The following S1PR5 variants were observed in gnomAD, a reference collection of about 807,000 sequenced individuals.
S1PR5 encodes the protein sphingosine-1-phosphate receptor 5, also known as sphingosine 1-phosphate receptor 5.
For synonymous variants in S1PR5, 307 were observed against 284.7 expected, an observed-to-expected ratio of 1.08 and a Z score of -0.79; for missense variants, 583 against 571.7, an observed-to-expected ratio of 1.02 and a Z score of -0.20.
rs1164772782 is a variant in S1PR5 at position 10,514,310 on chromosome 19, C to G, written c.702G>C (p.Gly234=). ...TGCGACGCGCCCGGGTCGAGGTGGT[C>G]CCCGCAGTCCCGGGCCGTGCCGGCA... ...RRLPARPGTA[G]TTSTRARRKP... The change falls in exon 2 of 2, where the codon GGG becomes GGC. Residue 234 remains glycine, a synonymous_variant. Coordinates refer to ENST00000333430, the MANE Select transcript of S1PR5 (RefSeq NM_030760.5). 2 of 1,565,962 alleles carry G rather than the reference C, an allele frequency of 1.3e-6. No individual in the cohort carries two copies. Among genetic ancestry groups the G allele is most frequent in the Admixed American group, 3.9e-5 (2 of 51,722 alleles).
upstream of S1PR5, chr19:10,517,653 C>T (rs1915471012): frequency 1.0e-6 from 1 of 985,330 alleles, no homozygotes; most frequent in Non-Finnish European, 1.2e-6. Flanking sequence ...CTGCCCCCTC[C>T]GGGCCTGGGC....
rs1915354412 is a variant in S1PR5 at position 10,514,032 on chromosome 19, G to C, written c.980C>G (p.Ser327Cys). The C allele has an allele frequency of 6.2e-7, 1 of 1,611,092 alleles. No individual in the cohort carries two copies. Among genetic ancestry groups the C allele is most frequent in the Non-Finnish European group, 8.5e-7 (1 of 1,179,520 alleles). The change falls in exon 2 of 2, where the codon TCC (serine) becomes TGC (cysteine). Residue 327 changes from serine to cysteine, a missense_variant. By Grantham distance (112) the Ser-to-Cys change is moderately radical. Coordinates refer to ENST00000333430, the MANE Select transcript of S1PR5 (RefSeq NM_030760.5). The stretch of plus-strand genomic sequence containing the variant: ...GGAGCCACTCGGGTCTCTGCCGCAG[G>C]AGTGGCGTCCGCAGCAGACCAGGCG... ...LLRLVCCGRH[S>C]CGRDPSGSQQ...
intron 1 of S1PR5, among the ~76,000 whole-genome samples, chr19:10,516,417 G>T (rs765691947): frequency 6.6e-6 from 1 of 151,884 alleles, no homozygotes; most frequent in Admixed American, 6.6e-5. Context: ...ACCAGCTTGG[G>T]CAACATACTA....
At chr19:10,515,483 C>G (rs373727007) in intron 1 of S1PR5, among the ~76,000 whole-genome samples, 8 of 152,116 alleles carry the variant, frequency 5.3e-5, no homozygotes, top group Admixed American at 1.3e-4. Flanking sequence ...CATGGTGGCA[C>G]GTGCCTGTAG....
In S1PR5 at chr19:10,514,991, C is replaced by T. The variant is rs1343541568; in HGVS notation, c.21G>A (p.Arg7=). 3.2e-6 allele frequency: 5 copies of T among 1,570,970 alleles called. No homozygotes were observed. The highest frequency in any genetic ancestry group is 2.2e-4 in the Middle Eastern group (1 of 4,546). Residue 7 remains arginine (R), a synonymous_variant, in exon 2 of 2, where the codon CGG becomes CGA. Transcript: ENST00000333430. MESGLL[R]PAPVSEVIVL... ...CGATGACCTCGCTCACCGGCGCCGGCCGCAGCAGCCCCGACTCCATGGGCC... is the reference window on the plus strand; with the variant it reads ...CGATGACCTCGCTCACCGGCGCCGGTCGCAGCAGCCCCGACTCCATGGGCC...
intron 1 of S1PR5, among the ~76,000 whole-genome samples, chr19:10,516,607 CAAAAAAAAA>C (rs113615794): frequency 1.1e-5 from 1 of 91,824 alleles, no homozygotes; most frequent in Non-Finnish European, 2.1e-5. Context: ...AACTCCGTCT[CAAAAAAAAA>C]AAAAAAAAAA....
rs751801152 is a variant in S1PR5, at chr19:10,513,956, C to T, written c.1056G>A (p.Leu352=). ...TGAAGCTCCCATCAAGGCCCGGGGG[C>T]AGGCAGCGGCGCAGGCCCCCGGAAG... ...AEASGGLRRC[L]PPGLDGSFSG... is the part of the protein sequence containing the mutation. Residue 352 remains leucine (L), a synonymous_variant, in exon 2 of 2, where the codon CTG becomes CTA. Transcript: ENST00000333430. 15 of 1,598,482 alleles carry T rather than the reference C, an allele frequency of 9.4e-6. No individual in the cohort carries two copies. The highest frequency in any genetic ancestry group is 1.1e-5 in the South Asian group (1 of 89,962).
In S1PR5 at chr19:10,515,653, T is replaced by C. The variant is rs185425681; in HGVS notation, c.-18-624A>G. ...CCCACCAAACACACACACGGCTGGG[T>C]GTGGTGGCTCACTCCTGTAATTCCA... On this transcript the variant is annotated intron_variant, in intron 1 of 1. Transcript: ENST00000333430. Among the ~76,000 whole-genome samples, 6 of 151,378 alleles carry C rather than the reference T, an allele frequency of 4.0e-5. No individual in the cohort carries two copies. In the East Asian group the frequency reaches 7.8e-4, roughly 20 times the overall value.
At position 10,516,566 on chromosome 19, in the gene S1PR5, C is replaced by A. The variant is rs1005667513; in HGVS notation, c.-19+832G>T. Among the ~76,000 whole-genome samples, 3 of 149,750 alleles carry A rather than the reference C, an allele frequency of 2.0e-5. No individual in the cohort carries two copies. The South Asian group carries it at 6.4e-4, about 32-fold the overall frequency. On this transcript the variant is annotated intron_variant, in intron 1 of 1. Transcript: ENST00000333430. ...AGGCTGCAGTGAGCCATGATCGCAC[C>A]CCTGCTCTCCAGCCTGGGTGACAAG...
Position 10,514,599 on chromosome 19 carries a change from G to T in S1PR5, c.413C>A (p.Ala138Glu). The change falls in exon 2 of 2, where the codon GCG becomes GAG. Residue 138 changes from alanine to glutamate, a missense_variant. Coordinates refer to ENST00000333430, the MANE Select transcript of S1PR5 (RefSeq NM_030760.5). ...GGAGACGGGCGCGGGCCCCCTGCGC[G>T]CCATGGTGAGGCTGCGCTCCAGCGC... ...AIALERSLTM[A>E]RRGPAPVSSR... 1 of 1,581,922 alleles carries T rather than the reference G, an allele frequency of 6.3e-7. No homozygotes were observed. The highest frequency in any genetic ancestry group is 1.3e-5 in the African/African-American group (1 of 74,368).
chr19:10,514,749 G>A lies in S1PR5; in HGVS notation c.263C>T (p.Ala88Val). 8 of 1,611,990 alleles carry A rather than the reference G, an allele frequency of 5.0e-6. No homozygotes were observed. Among genetic ancestry groups the A allele is most frequent in the African/African-American group, 2.7e-5 (2 of 75,036 alleles). ...LTLSDLLAGA[A>V]YAANILLSGP... is the part of the protein sequence containing the mutation. ...CGACAGTAGGATGTTGGCGGCGTAG[G>A]CGGCGCCTGCCAGCAGATCCGACAA... Residue 88 changes from alanine (A) to valine (V), a missense_variant, in exon 2 of 2, where the codon GCC becomes GTC. By Grantham distance (64) the Ala-to-Val change is moderately conservative (BLOSUM62 0). Coordinates refer to ENST00000333430, the MANE Select transcript of S1PR5 (RefSeq NM_030760.5).
Position 10,513,694 on chromosome 19 carries a change from G to T in S1PR5, c.*121C>A. 6 of 1,379,494 alleles carry T rather than the reference G, an allele frequency of 4.3e-6. No individual in the cohort carries two copies. Among genetic ancestry groups the T allele is most frequent in the Non-Finnish European group, 5.9e-6 (6 of 1,015,136 alleles). The allele number at this position is 1,379,494 out of a possible 1,614,324, so 85.5% of individuals were successfully genotyped here. A position where few individuals can be genotyped will look rare whatever the true frequency, so the allele number is the denominator to read the frequency against. Reference sequence around the variant, plus strand: ...TTTGTTCACATTGTGGGGTGTCGCTGCATAAATACATTTCCCCTGCATCTT... The same window carrying T: ...TTTGTTCACATTGTGGGGTGTCGCTTCATAAATACATTTCCCCTGCATCTT... On this transcript the variant is annotated 3_prime_UTR_variant, in exon 2 of 2. Transcript: ENST00000333430.
At position 10,514,332 on chromosome 19, in the gene S1PR5, G is replaced by C. The variant is rs567379303; in HGVS notation, c.680C>G (p.Pro227Arg). The C allele has an allele frequency of 1.3e-6, 2 of 1,564,338 alleles. No homozygotes were observed. The highest frequency in any genetic ancestry group is 8.7e-7 in the Non-Finnish European group (1 of 1,156,026). Residue 227 changes from proline (P) to arginine (R), a missense_variant, in exon 2 of 2, where the codon CCG becomes CGG. Coordinates refer to ENST00000333430, the MANE Select transcript of S1PR5 (RefSeq NM_030760.5). ...GGTCCCCGCAGTCCCGGGCCGTGCC[G>C]GCAGGCGCCGCGCGTTGGCGCGTAC... ...CQVRANARRL[P>R]ARPGTAGTTS...
At position 10,517,286 on chromosome 19, in the gene S1PR5, C is replaced by T. The variant is rs550599248; in HGVS notation, c.-19+112G>A. 5.0e-5 allele frequency: 41 copies of T among 825,398 alleles called. No homozygotes were observed. The South Asian group carries it at 1.0e-3, about 21-fold the overall frequency. The allele number at this position is 825,398 out of a possible 1,614,324, so 51.1% of individuals were successfully genotyped here. On this transcript the variant is annotated intron_variant, in intron 1 of 1. Coordinates refer to ENST00000333430, the MANE Select transcript of S1PR5 (RefSeq NM_030760.5). ...AGGCCTCCAGGAAAAGTTCGGAGAACTCCCTGCAAGGAGTGGTGCGCCTTT... is the reference window on the plus strand; with the variant it reads ...AGGCCTCCAGGAAAAGTTCGGAGAATTCCCTGCAAGGAGTGGTGCGCCTTT...
intron 1 of S1PR5, 33 bp downstream of exon 1, chr19:10,517,365 A>C (rs10418435): frequency 0.94 from 929,416 of 985,510 alleles, 438,325 homozygotes; most frequent in East Asian, 1. Flanking sequence ...GGCCCAGCCC[A>C]GCGCCCCCAA....
At position 10,515,385 on chromosome 19, in the gene S1PR5, G is replaced by T. The variant is rs191858680; in HGVS notation, c.-18-356C>A. Among the ~76,000 whole-genome samples the T allele has an allele frequency of 1.5e-4, 23 of 152,184 alleles. 1 individual carries two copies. Among genetic ancestry groups the T allele is most frequent in the Admixed American group, 1.1e-3 (17 of 15,274 alleles). ...GCTCAGGCCTGGGAGGCCAAGGGGG[G>T]CAGATCACGAGGTCAGGAGATCGAG... On this transcript the variant is annotated intron_variant, in intron 1 of 1. Coordinates refer to ENST00000333430, the MANE Select transcript of S1PR5 (RefSeq NM_030760.5).
rs950762351 is a variant in S1PR5 at position 10,513,962 on chromosome 19, G to C, written c.1050C>G (p.Arg350=). The change falls in exon 2 of 2, where the codon CGC becomes CGG. Residue 350 remains arginine, a synonymous_variant. Transcript: ENST00000333430. ...TCCCATCAAGGCCCGGGGGCAGGCAGCGGCGCAGGCCCCCGGAAGCCTCAG... is the reference window on the plus strand; with the variant it reads ...TCCCATCAAGGCCCGGGGGCAGGCACCGGCGCAGGCCCCCGGAAGCCTCAG... The part of the protein sequence containing the change: ...SAAEASGGLR[R]CLPPGLDGSF... 6.3e-6 allele frequency: 10 copies of C among 1,598,160 alleles called. No individual in the cohort carries two copies. The highest frequency in any genetic ancestry group is 8.5e-6 in the Non-Finnish European group (10 of 1,173,588).
chr19:10,516,459 T>G (rs1325369364), intron 1 of S1PR5, among the ~76,000 whole-genome samples: 1 of 151,682 alleles, frequency 6.6e-6, no homozygotes, highest in Non-Finnish European at 1.5e-5. Flanking sequence ...ATTTAAAAAT[T>G]AGCCAGGTGT....
Position 10,513,787 on chromosome 19 carries a change from T to G in S1PR5, c.*28A>C, listed in dbSNP as rs754013557. 1 of 1,602,486 alleles carries G rather than the reference T, an allele frequency of 6.2e-7. No individual in the cohort carries two copies. The highest frequency in any genetic ancestry group is 1.1e-5 in the South Asian group (1 of 89,620). On this transcript the variant is annotated 3_prime_UTR_variant, in exon 2 of 2. Coordinates refer to ENST00000333430, the MANE Select transcript of S1PR5 (RefSeq NM_030760.5). ...TGTAAAAAGAACAAGTCTGTAAAAC[T>G]TGGGAAGACAGTCGTGGGCCGAGGG...
Sources: allele counts gnomAD v4.1 joint callset (sites outside exome capture counted in the v4.1 genomes callset), GRCh38; gene constraint gnomAD v4.1.1; transcripts MANE v1.5; gene names NCBI Gene and HGNC (gene_info 2026-07-23, HGNC 2026-07-21).